GNA15: variants seen among roughly 807,000 people sequenced by gnomAD.
GNA15 encodes G protein subunit alpha 15, also known as guanine nucleotide-binding protein subunit alpha-15.
Under a neutral mutation model 40.1 loss-of-function variants are expected in GNA15, and 23 were observed. The observed-to-expected ratio is 0.57, with a 90% CI of 0.41 to 0.81. The LOEUF (loss-of-function observed/expected upper bound fraction) is 0.81. Ranked by LOEUF, GNA15 falls within the 40% of genes least tolerant of loss-of-function variation. GNA15 has a pLI of 0.00. For synonymous variants in GNA15, 226 were observed against 210.4 expected, an observed-to-expected ratio of 1.07 and a Z score of -0.64; for missense variants, 522 against 515.8, an observed-to-expected ratio of 1.01 and a Z score of -0.12.
chr19:3,156,005 C>G (rs1302779198), intron 5 of GNA15, 53 bp downstream of exon 5: 4 of 1,567,484 alleles, frequency 2.6e-6, no homozygotes, highest in Non-Finnish European at 3.5e-6. Flanking sequence ...GGACCCTCAC[C>G]TGAGCAGGAA....
At chr19:3,146,464 G>T (rs968127062) in intron 1 of GNA15, 1 of 151,884 alleles carries the variant, frequency 6.6e-6, no homozygotes, top group South Asian at 2.1e-4. Flanking sequence ...TGGCAGGTGC[G>T]CGAACTGGGC....
chr19:3,157,630 C>A, intron 5 of GNA15, 98 bp from the exon 6 acceptor site: 1 of 1,049,134 alleles, frequency 9.5e-7, no homozygotes, highest in Non-Finnish European at 1.5e-6. Flanking sequence ...AGGGGTGAGC[C>A]CATGCCCCTG....
intron 1 of GNA15, among the ~76,000 whole-genome samples, chr19:3,138,917 C>G (rs1047732489): frequency 1.4e-5 from 2 of 141,840 alleles, no homozygotes; most frequent in South Asian, 4.5e-4. Flanking sequence ...GGATTACAGG[C>G]GTGAGCCACC....
chr19:3,146,775 C>T (rs975107008), intron 1 of GNA15, among the ~76,000 whole-genome samples: 5 of 152,004 alleles, frequency 3.3e-5, no homozygotes, highest in Non-Finnish European at 5.9e-5. Context: ...CACCAGAGGG[C>T]GCCTGTGAGC....
In GNA15 at chr19:3,136,243, C is replaced by T. The variant is rs1001915922; in HGVS notation, c.-208C>T. 3 of 558,562 alleles carry T rather than the reference C, an allele frequency of 5.4e-6. No individual in the cohort carries two copies. The Admixed American group carries it at 9.5e-5, about 18-fold the overall frequency. The allele number at this position is 558,562 out of a possible 1,614,324, so 34.6% of individuals were successfully genotyped here. A position where few individuals can be genotyped will look rare whatever the true frequency, so the allele number is the denominator to read the frequency against. On this transcript the variant is annotated 5_prime_UTR_variant, in exon 1 of 7. Coordinates refer to ENST00000262958, the MANE Select transcript of GNA15 (RefSeq NM_002068.4). This position sits in a 1 kb window ranked among gnomAD's most constrained non-coding sequence, Gnocchi z 4.9. ...TCCCGTCCCCACCCTGTTCCCAGCA[C>T]TCAAGCCTTGCCACCGCCGAGCCGG...
Position 3,148,867 on chromosome 19 carries a change from TCAGGG to T in GNA15, c.330+117_330+121del, listed in dbSNP as rs201896289. 1.7e-4 allele frequency: 210 copies of T among 1,200,194 alleles called. No homozygotes were observed. In the Middle Eastern group the frequency reaches 3.4e-3, roughly 19 times the overall value. 74.3% of individuals were successfully genotyped at this position (1,200,194 alleles called of 1,614,324 possible). On this transcript the variant is annotated intron_variant, in intron 2 of 6. Transcript: ENST00000262958. ...GGAGCAGGGCCAAGTTCCCCAGACT[TCAGGG>T]CAGGGCAGGGCAGGGCAGGGCAGGC... is the stretch of plus-strand genomic sequence containing the variant.
chr19:3,145,457 A>G (rs868862112), intron 1 of GNA15, among the ~76,000 whole-genome samples: 4 of 137,022 alleles, frequency 2.9e-5, no homozygotes, highest in Non-Finnish European at 6.3e-5. Context: ...TTCCCAAAGC[A>G]CTGGATTTAT....
intron 1 of GNA15, chr19:3,143,156 A>C (rs114337880): frequency 2.6e-5 from 4 of 152,034 alleles, no homozygotes; most frequent in Admixed American, 6.6e-5. Context: ...TGTGACCCAA[A>C]TTAAGTCACT....
At chr19:3,145,359 A>ATATATATATATACATT in intron 1 of GNA15, among the ~76,000 whole-genome samples, 2 of 46,972 alleles carry the variant, frequency 4.3e-5, no homozygotes, top group African/African-American at 1.8e-4. Context: ...ATATATATAT[A>ATATATATATATACATT]TTTTTTTTTT....
intron 2 of GNA15, 28 bp downstream of exon 2, chr19:3,148,803 A>C (rs755522075): frequency 6.4e-7 from 1 of 1,559,982 alleles, no homozygotes. Flanking sequence ...GCAGGGGCCC[A>C]GGGCAGGCAG....
intron 6 of GNA15, among the ~76,000 whole-genome samples, chr19:3,160,770 C>T (rs1347685472): frequency 6.6e-6 from 1 of 152,080 alleles, no homozygotes; most frequent in Non-Finnish European, 1.5e-5. Flanking sequence ...CCATGCTTCT[C>T]TCTCAGCTTC....
At chr19:3,157,433 C>A (rs1473558701) in intron 5 of GNA15, among the ~76,000 whole-genome samples, 1 of 152,234 alleles carries the variant, frequency 6.6e-6, no homozygotes, top group African/African-American at 2.4e-5. Flanking sequence ...ATAACCCCAG[C>A]ACGCTGGGAG....
intron 1 of GNA15, among the ~76,000 whole-genome samples, chr19:3,139,146 A>G (rs1319377560): frequency 1.3e-5 from 2 of 150,786 alleles, no homozygotes; most frequent in East Asian, 3.9e-4. Flanking sequence ...GGGTTTCACC[A>G]TGTTGGCCAG....
rs1479783658 is a variant in GNA15 at position 3,148,782 on chromosome 19, C to T, written c.330+7C>T. ...CAGCAGGCCCGAGAGCAAGGTGAGC[C>T]GCCAGGGCAGGCAGGGGCCCAGGGC... On this transcript the variant is annotated splice_region_variant and intron_variant, in intron 2 of 6. Coordinates refer to ENST00000262958, the MANE Select transcript of GNA15 (RefSeq NM_002068.4). The T allele has an allele frequency of 4.4e-6, 7 of 1,589,268 alleles. No homozygotes were observed. The highest frequency in any genetic ancestry group is 6.0e-6 in the Non-Finnish European group (7 of 1,167,564).
intron 4 of GNA15, among the ~76,000 whole-genome samples, chr19:3,154,810 G>A (rs1914974567): frequency 6.6e-6 from 1 of 152,160 alleles, no homozygotes; most frequent in South Asian, 2.1e-4. Flanking sequence ...AAGTTTAGGA[G>A]TGAAGGTAGA....
chr19:3,154,436 G>A (rs1428599171), intron 4 of GNA15, among the ~76,000 whole-genome samples: 1 of 149,340 alleles, frequency 6.7e-6, no homozygotes, highest in Non-Finnish European at 1.5e-5. Flanking sequence ...TGAGTGAGTG[G>A]ATAGATGGGT....
chr19:3,145,357 A>ATTTT (rs1425408476), intron 1 of GNA15, among the ~76,000 whole-genome samples: 1,951 of 41,538 alleles, frequency 0.047, 34 homozygotes, highest in Middle Eastern at 0.086. Context: ...ATATATATAT[A>ATTTT]TATTTTTTTT....
rs185778043 is a variant in GNA15, at chr19:3,159,911, G to A, written c.898+2030G>A. ...GGCACCACTTAGTATATTTTACAAA[G>A]GGGAGGCAGAGTTGTGGTTAATCCA... On this transcript the variant is annotated intron_variant, in intron 6 of 6. Transcript: ENST00000262958. Among the ~76,000 whole-genome samples, 7 of 152,320 alleles carry A rather than the reference G, an allele frequency of 4.6e-5. No homozygotes were observed. The East Asian group carries it at 7.7e-4, about 17-fold the overall frequency.
chr19:3,158,912 C>T (rs562174609), intron 6 of GNA15, among the ~76,000 whole-genome samples: 48 of 152,258 alleles, frequency 3.2e-4, no homozygotes, highest in African/African-American at 8.4e-4. Flanking sequence ...GGATTACGGG[C>T]GTGAGCCACC....
Sources: gnomAD v4.1 joint callset for allele counts (sites outside exome capture counted in the v4.1 genomes callset) on GRCh38, gnomAD v4.1.1 for gene constraint, Gnocchi (gnomAD v3.1) non-coding constraint, MANE v1.5 for transcripts, NCBI Gene and HGNC (gene_info 2026-07-23, HGNC 2026-07-21) for gene names.